Variants in CDA observed in about 807,000 individuals in gnomAD.
The protein encoded by CDA is cytidine deaminase.
A neutral mutation model predicts 15.0 loss-of-function variants in CDA; 7 were observed. The observed-to-expected ratio is 0.47, with a 90% CI of 0.26 to 0.87. The LOEUF (loss-of-function observed/expected upper bound fraction) is 0.87. Among genes scored for constraint, CDA ranks in the 40% least tolerant of loss-of-function variants. CDA has a pLI of 0.15. For synonymous variants in CDA, 58 were observed against 73.0 expected (o/e 0.79, Z 1.05); for missense variants, 159 against 182.7 (o/e 0.87, Z 0.75).
Position 20,618,730 on chromosome 1 carries a change from C to G in CDA, c.*162C>G, listed in dbSNP as rs1247023998. ...CAGCCTGAGTCAGCACCCCTCCTAG[C>G]AACCTGCCTTGGGACTTAGAACACC... On this transcript the variant is annotated 3_prime_UTR_variant, in exon 4 of 4. Transcript: ENST00000375071. 3 of 653,656 alleles carry G rather than the reference C, an allele frequency of 4.6e-6. No individual in the cohort carries two copies. The East Asian group carries it at 8.5e-5, about 18-fold the overall frequency. The allele number at this position is 653,656 out of a possible 1,614,324, so 40.5% of individuals were successfully genotyped here.
chr1:20,608,758 G>A (rs1234411435), intron 2 of CDA, among the ~76,000 whole-genome samples: 1 of 152,186 alleles, frequency 6.6e-6, no homozygotes, highest in Non-Finnish European at 1.5e-5. Flanking sequence ...TCTGCAAGCT[G>A]CAAAACTACC....
chr1:20,599,899 T>G (rs945385431), intron 1 of CDA, among the ~76,000 whole-genome samples: 2 of 152,160 alleles, frequency 1.3e-5, no homozygotes, highest in African/African-American at 4.8e-5. Context: ...ATGAGGGAGA[T>G]TCTATCATTA....
chr1:20,604,918 C>A lies in CDA; in HGVS notation c.155-10C>A. ...GCCAGACATACCACTGGACTCTGCT[C>A]TCTTCTCAGGGTGCAACATAGAAAA... is the stretch of plus-strand genomic sequence containing the variant. On this transcript the variant is annotated splice_polypyrimidine_tract_variant and intron_variant, in intron 1 of 3. Coordinates refer to ENST00000375071, the MANE Select transcript of CDA (RefSeq NM_001785.3). 3 of 1,586,382 alleles carry A rather than the reference C, an allele frequency of 1.9e-6. No individual in the cohort carries two copies. Among genetic ancestry groups the A allele is most frequent in the South Asian group, 2.2e-5 (2 of 89,358 alleles).
At chr1:20,605,733 A>G (rs2154532490) in intron 2 of CDA, among the ~76,000 whole-genome samples, 1 of 120,698 alleles carries the variant, frequency 8.3e-6, no homozygotes, top group East Asian at 2.5e-4. Context: ...CTGAGGCAGG[A>G]GGATCACTTG....
intron 2 of CDA, among the ~76,000 whole-genome samples, chr1:20,611,875 T>C (rs2052755826): frequency 6.6e-6 from 1 of 151,990 alleles, no homozygotes; most frequent in Non-Finnish European, 1.5e-5. Flanking sequence ...TGTTTGTTTG[T>C]TTTTTGAGAC....
chr1:20,598,698 A>G (rs2052610719), intron 1 of CDA, among the ~76,000 whole-genome samples: 1 of 152,184 alleles, frequency 6.6e-6, no homozygotes, highest in East Asian at 1.9e-4. Flanking sequence ...TTATAATAGC[A>G]CTAATCCCAT....
chr1:20,600,620 G>C (rs577865366), intron 1 of CDA, among the ~76,000 whole-genome samples: 1 of 152,122 alleles, frequency 6.6e-6, no homozygotes, highest in African/African-American at 2.4e-5. Context: ...GCCAGGCATG[G>C]TGATGCACAC....
At chr1:20,613,980 G>T in intron 3 of CDA, 81 bp downstream of exon 3, 1 of 1,255,186 alleles carries the variant, frequency 8.0e-7, no homozygotes, top group South Asian at 1.2e-5. Context: ...TTGCAGGCAT[G>T]GCAGGCATGG....
At chr1:20,598,656 G>C (rs2052610477) in intron 1 of CDA, among the ~76,000 whole-genome samples, 1 of 152,194 alleles carries the variant, frequency 6.6e-6, no homozygotes, top group Non-Finnish European at 1.5e-5. Flanking sequence ...TGACAGGATG[G>C]AGAGAGAGAG....
chr1:20,590,792 G>A (rs2101172656), intron 1 of CDA, among the ~76,000 whole-genome samples: 1 of 152,320 alleles, frequency 6.6e-6, no homozygotes, highest in South Asian at 2.1e-4. Flanking sequence ...TGACTGATTG[G>A]ATGAATGAAT....
At chr1:20,602,226 G>C (rs781763988) in intron 1 of CDA, among the ~76,000 whole-genome samples, 4 of 152,060 alleles carry the variant, frequency 2.6e-5, no homozygotes. Flanking sequence ...ACTCAAACAA[G>C]ATGTGGTGGC....
Position 20,594,632 on chromosome 1 carries a change from A to G in CDA, c.154+5349A>G, listed in dbSNP as rs180979283. 2.7e-3 allele frequency among the ~76,000 whole-genome samples: 418 copies of G among 152,028 alleles called. 3 individuals carry two copies. The highest frequency in any genetic ancestry group is 0.014 in the Middle Eastern group (4 of 294). ...GTAAAACCCCATCTCTACTAAAAATACAAAAAATTAGCCAGGTATGGTGGT... is the reference window on the plus strand; with the variant it reads ...GTAAAACCCCATCTCTACTAAAAATGCAAAAAATTAGCCAGGTATGGTGGT... On this transcript the variant is annotated intron_variant, in intron 1 of 3. Transcript: ENST00000375071.
At chr1:20,592,248 A>C (rs1047177636) in intron 1 of CDA, among the ~76,000 whole-genome samples, 2 of 152,202 alleles carry the variant, frequency 1.3e-5, no homozygotes, top group South Asian at 4.1e-4. Context: ...CATGGCAGGC[A>C]GCATTCACTC....
intron 2 of CDA, among the ~76,000 whole-genome samples, chr1:20,607,491 C>G (rs2052705024): frequency 6.6e-6 from 1 of 152,102 alleles, no homozygotes; most frequent in African/African-American, 2.4e-5. Flanking sequence ...AGGGAAATAA[C>G]TCAATTTCAA....
At chr1:20,594,624 C>G (rs1296418107) in intron 1 of CDA, among the ~76,000 whole-genome samples, 3 of 151,670 alleles carry the variant, frequency 2.0e-5, no homozygotes, top group Non-Finnish European at 4.4e-5. Flanking sequence ...CCCATCTCTA[C>G]TAAAAATACA....
rs6659399 is a variant in CDA, at chr1:20,607,102, A to G, written c.266+2063A>G. Among the ~76,000 whole-genome samples the G allele has an allele frequency of 4.0e-3, 616 of 152,340 alleles. 9 individuals are homozygous for G. The highest frequency in any genetic ancestry group is 0.014 in the African/African-American group (596 of 41,572). On this transcript the variant is annotated intron_variant, in intron 2 of 3. Coordinates refer to ENST00000375071, the MANE Select transcript of CDA (RefSeq NM_001785.3). ...TGGAGTTAATTCCTGTGGTAGAGCT[A>G]CAGCACCTTTCTGGCTAAAATACAG...
At chr1:20,603,383 C>T (rs1476153769) in intron 1 of CDA, among the ~76,000 whole-genome samples, 1 of 152,200 alleles carries the variant, frequency 6.6e-6, no homozygotes, top group East Asian at 1.9e-4. Context: ...TTCCAAATTC[C>T]TTCTCTCTCC....
intron 2 of CDA, among the ~76,000 whole-genome samples, chr1:20,612,600 G>A (rs1299646828): frequency 1.3e-5 from 2 of 151,970 alleles, no homozygotes; most frequent in East Asian, 1.9e-4. Flanking sequence ...ATCTCCCTTT[G>A]CTGACTCTCT....
chr1:20,618,258 C>CTTTTTTTTTTTTTTTTTTTTTTTTTTTAG (rs1553144097), intron 3 of CDA, among the ~76,000 whole-genome samples, 194 bp from the exon 4 acceptor site: 1 of 144,954 alleles, frequency 6.9e-6, no homozygotes, highest in Non-Finnish European at 1.5e-5. Context: ...TGTTCAGTTT[C>CTTTTTTTTTTTTTTTTTTTTTTTTTTTAG]ACAGCATTCT....
Sources: allele counts gnomAD v4.1 joint callset (sites outside exome capture counted in the v4.1 genomes callset), GRCh38; gene constraint gnomAD v4.1.1; transcripts MANE v1.5; gene names NCBI Gene and HGNC (gene_info 2026-07-23, HGNC 2026-07-21).